The following FHL2 variants were observed in gnomAD, a reference collection of about 807,000 sequenced individuals.
FHL2 encodes the protein four and a half LIM domains protein 2.
Under a neutral mutation model 32.7 loss-of-function variants are expected in FHL2, and 20 were observed. The ratio of observed to expected loss-of-function variants is 0.61; its 90% CI spans 0.43 to 0.89. FHL2 has a LOEUF of 0.89. Ranked by LOEUF, FHL2 falls within the 40% of genes least tolerant of loss-of-function variation. The pLI is 0.00. For missense variants in FHL2, 311 were observed against 358.6 expected, an observed-to-expected ratio of 0.87 and a Z score of 1.07; for synonymous variants, 123 against 128.1, an observed-to-expected ratio of 0.96 and a Z score of 0.27.
At chr2:105,378,912 G>C (rs997094703) in intron 3 of FHL2, 1 of 152,224 alleles carries the variant, frequency 6.6e-6, no homozygotes, top group Non-Finnish European at 1.5e-5. Context: ...GCAGTACAGG[G>C]TGGTGGGCTT....
At chr2:105,388,982 G>A (rs1006198580) in intron 2 of FHL2, among the ~76,000 whole-genome samples, 9 of 152,200 alleles carry the variant, frequency 5.9e-5, no homozygotes, top group Non-Finnish European at 2.9e-5. Flanking sequence ...AAATATTGCC[G>A]CCTGGTTTGT....
chr2:105,386,508 C>T lies in FHL2; in HGVS notation c.9G>A (p.Glu3=). 6.2e-7 allele frequency: 1 copy of T among 1,614,194 alleles called. No homozygotes were observed. The highest frequency in any genetic ancestry group is 8.5e-7 in the Non-Finnish European group (1 of 1,180,038). Residue 3 remains glutamate, a synonymous_variant, in exon 3 of 7, where the codon GAG becomes GAA. Transcript: ENST00000530340. ...CGTTGCAATGGTGGCAGTCAAAGCG[C>T]TCAGTCATTTTGACTCCTGGCTTTT... The part of the protein sequence containing the change: MT[E]RFDCHHCNES...
In FHL2 at chr2:105,398,858, G is replaced by A. The variant is rs201014619; in HGVS notation, c.-92C>T. ...TCCTCTCACCAGTCTCCCCAACTCCGGCTCTGCTCCCCTCTCCTTGGGTCT... is the reference window on the plus strand; with the variant it reads ...TCCTCTCACCAGTCTCCCCAACTCCAGCTCTGCTCCCCTCTCCTTGGGTCT... On this transcript the variant is annotated 5_prime_UTR_variant, in exon 1 of 7. Transcript: ENST00000530340. 6.2e-6 allele frequency: 9 copies of A among 1,458,726 alleles called. No individual in the cohort carries two copies. Among genetic ancestry groups the A allele is most frequent in the Non-Finnish European group, 8.1e-6 (9 of 1,107,914 alleles). 90.4% of individuals were successfully genotyped at this position (1,458,726 alleles called of 1,614,324 possible).
At chr2:105,438,273 A>G in intron 1 of FHL2, 1 of 781,374 alleles carries the variant, frequency 1.3e-6, no homozygotes, top group Non-Finnish European at 1.6e-6. Context: ...CCAGTGCCTG[A>G]GAGCTTCCTC....
intron 2 of FHL2, among the ~76,000 whole-genome samples, chr2:105,387,836 C>T (rs72823890): frequency 5.9e-5 from 9 of 152,200 alleles, no homozygotes; most frequent in South Asian, 2.1e-4. Context: ...TTCACAATAC[C>T]GACAACATGG....
intron 1 of FHL2, among the ~76,000 whole-genome samples, chr2:105,432,981 A>G (rs1684482655): frequency 6.6e-6 from 1 of 152,184 alleles, no homozygotes; most frequent in African/African-American, 2.4e-5. Flanking sequence ...CTAGAACTCA[A>G]CTGAATTAAA....
At chr2:105,380,886 C>T (rs1032391587) in intron 3 of FHL2, among the ~76,000 whole-genome samples, 3 of 152,212 alleles carry the variant, frequency 2.0e-5, no homozygotes, top group African/African-American at 7.2e-5. Context: ...TAAACATGTA[C>T]GATTAGGCCC....
At chr2:105,397,266 C>T (rs1160687184) in intron 1 of FHL2, among the ~76,000 whole-genome samples, 1 of 152,064 alleles carries the variant, frequency 6.6e-6, no homozygotes, top group Non-Finnish European at 1.5e-5. Context: ...CATTTACAGC[C>T]CGGGAAACCC....
In FHL2 at chr2:105,363,499, T is replaced by C. The variant is rs778784485; in HGVS notation, c.502-28A>G. The C allele has an allele frequency of 6.4e-6, 10 of 1,574,188 alleles. No individual in the cohort carries two copies. In the African/African-American group the frequency reaches 1.2e-4, roughly 19 times the overall value. On this transcript the variant is annotated intron_variant, in intron 5 of 6. Coordinates refer to ENST00000530340, the MANE Select transcript of FHL2 (RefSeq NM_001318895.3). ...GCAGGGACGAGGGGGAGAGTTAGTG[T>C]GGCCTCTGTGCTTGGCAGACATCTT...
intron 4 of FHL2, 169 bp downstream of exon 4, chr2:105,373,390 G>A (rs1681232548): frequency 5.8e-6 from 4 of 686,532 alleles, no homozygotes; most frequent in African/African-American, 1.8e-5. Context: ...GATAGAACCT[G>A]TATGTCCCTG....
intron 1 of FHL2, among the ~76,000 whole-genome samples, chr2:105,419,337 A>G (rs1217859854): frequency 6.6e-6 from 1 of 152,226 alleles, no homozygotes; most frequent in East Asian, 1.9e-4. Context: ...CCCAATTTGT[A>G]GTCTTTTATC....
intron 3 of FHL2, 108 bp downstream of exon 3, chr2:105,386,253 G>A (rs1008203615): frequency 7.6e-7 from 1 of 1,313,672 alleles, no homozygotes; most frequent in Non-Finnish European, 1.1e-6. Flanking sequence ...CTCAGAGGGG[G>A]CTCAAGAGAC....
intron 1 of FHL2, among the ~76,000 whole-genome samples, chr2:105,411,538 GTTTTTTTTTTTTTTTTT>G (rs9308884): frequency 1.2e-5 from 1 of 81,150 alleles, no homozygotes; most frequent in Non-Finnish European, 2.2e-5. Flanking sequence ...TGAACTTAGG[GTTTTTTTTTTTTTTTTT>G]TTTTTTTTTG....
chr2:105,396,610 A>G, intron 2 of FHL2, 37 bp downstream of exon 2: 1 of 1,594,108 alleles, frequency 6.3e-7, no homozygotes, highest in Non-Finnish European at 8.6e-7. Context: ...ACTGAAATCC[A>G]CAATTTAGGA....
intron 5 of FHL2, 88 bp from the exon 6 acceptor site, chr2:105,363,559 C>T: frequency 7.9e-7 from 1 of 1,260,478 alleles, no homozygotes; most frequent in Non-Finnish European, 1.1e-6. Flanking sequence ...GATGCAAGAT[C>T]CTCATCCAGA....
At chr2:105,423,605 A>G (rs6746252) in intron 1 of FHL2, among the ~76,000 whole-genome samples, 53,212 of 152,042 alleles carry the variant, frequency 0.35, 10,239 homozygotes, top group Admixed American at 0.46. Context: ...TACTTCCATC[A>G]CACTACCTGA....
chr2:105,363,482 G>A lies in FHL2; in HGVS notation c.502-11C>T, dbSNP rs750695509. The stretch of plus-strand genomic sequence containing the variant: ...TCCCGTGGTGATGGGCTGCAGGGAC[G>A]AGGGGGAGAGTTAGTGTGGCCTCTG... On this transcript the variant is annotated splice_polypyrimidine_tract_variant and intron_variant, in intron 5 of 6. Transcript: ENST00000530340. 1.3e-5 allele frequency: 20 copies of A among 1,596,326 alleles called. No homozygotes were observed. Among genetic ancestry groups the A allele is most frequent in the South Asian group, 5.7e-5 (5 of 88,290 alleles).
intron 3 of FHL2, among the ~76,000 whole-genome samples, chr2:105,383,048 G>C (rs758491187): frequency 2.0e-5 from 3 of 152,160 alleles, no homozygotes; most frequent in Non-Finnish European, 4.4e-5. Context: ...ACCACACCCA[G>C]CTTATTTTTG....
chr2:105,406,768 C>T (rs1244565696), intron 1 of FHL2, among the ~76,000 whole-genome samples: 4 of 152,332 alleles, frequency 2.6e-5, no homozygotes, highest in African/African-American at 4.8e-5. Flanking sequence ...TGAGAGCCCT[C>T]GCTGCTCACT....
Sources: allele counts gnomAD v4.1 joint callset (sites outside exome capture counted in the v4.1 genomes callset), GRCh38; gene constraint gnomAD v4.1.1; transcripts MANE v1.5; gene names NCBI Gene and HGNC (gene_info 2026-07-23, HGNC 2026-07-21).